The following AAK1 variants were observed in gnomAD, a reference collection of about 807,000 sequenced individuals.
The protein encoded by AAK1 is AP2-associated protein kinase 1.
In AAK1, 37 loss-of-function variants were observed where a neutral mutation model predicts 116.0. The observed-to-expected ratio is 0.32, with a 90% CI of 0.25 to 0.42. AAK1 has a LOEUF of 0.42. AAK1 is among the 10% of genes least tolerant of loss of function. AAK1 has a pLI of 1.00. For missense variants in AAK1, 919 were observed against 1,170.6 expected, an observed-to-expected ratio of 0.79 and a Z score of 3.14; for synonymous variants, 458 against 439.9, an observed-to-expected ratio of 1.04 and a Z score of -0.51.
Position 69,474,284 on chromosome 2 carries a change from TTAAC to T in AAK1, c.*1581_*1584del, listed in dbSNP as rs1307643617. 9 of 985,884 alleles carry T rather than the reference TTAAC, an allele frequency of 9.1e-6. No individual in the cohort carries two copies. Among genetic ancestry groups the T allele is most frequent in the South Asian group, 4.7e-5 (1 of 21,278 alleles). The allele number at this position is 985,884 out of a possible 1,614,324, so 61.1% of individuals were successfully genotyped here. On this transcript the variant is annotated 3_prime_UTR_variant, in exon 22 of 22. Transcript: ENST00000409085. ...TGGAATTTTATTTGTACAGATCTGA[TTAAC>T]TAAGAGTTTCCCTTTTGATGATGGA...
intron 17 of AAK1, among the ~76,000 whole-genome samples, chr2:69,484,718 T>C (rs1333619810): frequency 1.3e-5 from 2 of 151,760 alleles, no homozygotes; most frequent in Non-Finnish European, 2.9e-5. Flanking sequence ...CTACTAAAAA[T>C]ACAAAAATTA....
intron 2 of AAK1, among the ~76,000 whole-genome samples, chr2:69,575,464 A>T (rs948849926): frequency 1.1e-4 from 15 of 134,406 alleles, no homozygotes; most frequent in Middle Eastern, 3.9e-3. Context: ...AGATAAACAA[A>T]TTTTTTTTTT....
chr2:69,545,000 A>T (rs1670866724), intron 3 of AAK1, among the ~76,000 whole-genome samples: 1 of 152,020 alleles, frequency 6.6e-6, no homozygotes, highest in Non-Finnish European at 1.5e-5. Context: ...AATAGTTCGT[A>T]CTGTTTTTTT....
At chr2:69,505,508 TA>T in intron 16 of AAK1, 60 bp downstream of exon 16, 1 of 1,360,246 alleles carries the variant, frequency 7.4e-7, no homozygotes, top group Non-Finnish European at 1.0e-6. Flanking sequence ...ATCTGTGGAG[TA>T]AAAAACAGTG....
intron 4 of AAK1, among the ~76,000 whole-genome samples, chr2:69,543,479 C>T (rs1670806555): frequency 6.6e-6 from 1 of 152,152 alleles, no homozygotes; most frequent in African/African-American, 2.4e-5. Context: ...GTGATCTCAG[C>T]TCACTGCAAC....
intron 2 of AAK1, among the ~76,000 whole-genome samples, chr2:69,636,523 C>G (rs1476975559): frequency 6.6e-6 from 1 of 152,126 alleles, no homozygotes; most frequent in African/African-American, 2.4e-5. Flanking sequence ...GAGCACTATT[C>G]TATCCAAAAA....
At position 69,548,839 on chromosome 2, in the gene AAK1, G is replaced by A. The variant is rs113388861; in HGVS notation, c.283-4295C>T. On this transcript the variant is annotated intron_variant, in intron 3 of 21. Transcript: ENST00000409085. Reference sequence around the variant, plus strand: ...AGGATGGTCTCGATCTCTTGACCTCGTGATCCACCTGCCTTGGCCTCCCAA... The same window carrying A: ...AGGATGGTCTCGATCTCTTGACCTCATGATCCACCTGCCTTGGCCTCCCAA... Among the ~76,000 whole-genome samples, 6 of 151,946 alleles carry A rather than the reference G, an allele frequency of 3.9e-5. No individual in the cohort carries two copies. In the East Asian group the frequency reaches 9.7e-4, roughly 25 times the overall value.
chr2:69,468,910 A>G lies in AAK1; in HGVS notation c.*6959T>C, dbSNP rs1466939857. 4 of 985,336 alleles carry G rather than the reference A, an allele frequency of 4.1e-6. No homozygotes were observed. Among genetic ancestry groups the G allele is most frequent in the Non-Finnish European group, 4.8e-6 (4 of 829,944 alleles). The allele number at this position is 985,336 out of a possible 1,614,324, so 61.0% of individuals were successfully genotyped here. A position where few individuals can be genotyped will look rare whatever the true frequency, so the allele number is the denominator to read the frequency against. On this transcript the variant is annotated 3_prime_UTR_variant, in exon 22 of 22. Coordinates refer to ENST00000409085, the MANE Select transcript of AAK1 (RefSeq NM_014911.5). ...AACCTTCCAACTCAGAGCATATTCT[A>G]TGACCTTCATGATGAGTACTGGGAA...
At chr2:69,530,548 G>A (rs187405598) in intron 7 of AAK1, 77 bp downstream of exon 7, 24 of 1,216,004 alleles carry the variant, frequency 2.0e-5, no homozygotes, top group East Asian at 9.3e-5. Context: ...ATGCTATAGC[G>A]CTGTGTGCAT....
intron 15 of AAK1, 32 bp from the exon 16 acceptor site, chr2:69,505,705 T>C: frequency 1.3e-6 from 2 of 1,574,004 alleles, no homozygotes; most frequent in Non-Finnish European, 1.7e-6. Flanking sequence ...CAGTTCATTC[T>C]AGCAGAATCT....
intron 5 of AAK1, among the ~76,000 whole-genome samples, chr2:69,539,159 G>A (rs1414642108): frequency 1.3e-5 from 2 of 152,204 alleles, no homozygotes; most frequent in Non-Finnish European, 2.9e-5. Flanking sequence ...AGAAAGCCAA[G>A]GAGCCTGGAA....
intron 21 of AAK1, 46 bp downstream of exon 21, chr2:69,476,834 G>T: frequency 7.1e-7 from 1 of 1,413,544 alleles, no homozygotes; most frequent in Non-Finnish European, 9.9e-7. Context: ...CTATTTTGAA[G>T]AGAACTGAGG....
At chr2:69,616,494 AGAGTACT>A (rs1168442479) in intron 2 of AAK1, among the ~76,000 whole-genome samples, 1 of 152,256 alleles carries the variant, frequency 6.6e-6, no homozygotes, top group Non-Finnish European at 1.5e-5. Context: ...AGTAACCACC[AGAGTACT>A]GATGTTGGGG....
At position 69,482,708 on chromosome 2, in the gene AAK1, T is replaced by C; in HGVS notation, c.2467+3A>G. 2 of 1,598,708 alleles carry C rather than the reference T, an allele frequency of 1.3e-6. No homozygotes were observed. The highest frequency in any genetic ancestry group is 1.7e-6 in the Non-Finnish European group (2 of 1,166,026). ...ACTGAAGAAACAGAGATGATGACTT[T>C]ACCAATTACAGCATCAGAAGTGCTA... On this transcript the variant is annotated splice_donor_region_variant and intron_variant, in intron 18 of 21. Transcript: ENST00000409085.
intron 17 of AAK1, among the ~76,000 whole-genome samples, chr2:69,487,151 G>A (rs146608526): frequency 5.5e-4 from 83 of 152,262 alleles, no homozygotes; most frequent in African/African-American, 1.9e-3. Context: ...TCTTAGAAGA[G>A]GTCACATCTA....
At chr2:69,511,887 C>T (rs1363422053) in intron 13 of AAK1, among the ~76,000 whole-genome samples, 1 of 152,234 alleles carries the variant, frequency 6.6e-6, no homozygotes, top group Non-Finnish European at 1.5e-5. Context: ...TCTACAGACA[C>T]TAAGTGGTTT....
chr2:69,623,155 C>G (rs767202966), intron 2 of AAK1, among the ~76,000 whole-genome samples: 10 of 152,166 alleles, frequency 6.6e-5, no homozygotes, highest in Non-Finnish European at 1.0e-4. Context: ...CAGCTTCACT[C>G]CTGAGCTAGC....
chr2:69,487,787 C>CTTTT (rs1177565486), intron 17 of AAK1, among the ~76,000 whole-genome samples: 3 of 122,778 alleles, frequency 2.4e-5, no homozygotes, highest in Non-Finnish European at 5.4e-5. Flanking sequence ...TGTTTGTTTG[C>CTTTT]TTTTTTTTTT....
chr2:69,514,606 C>A lies in AAK1; in HGVS notation c.1641G>T (p.Leu547=). 1 of 1,593,146 alleles carries A rather than the reference C, an allele frequency of 6.3e-7. No individual in the cohort carries two copies. The highest frequency in any genetic ancestry group is 8.5e-7 in the Non-Finnish European group (1 of 1,170,366). The change falls in exon 13 of 22, where the codon CTG becomes CTT. Residue 547 remains leucine, a synonymous_variant. Transcript: ENST00000409085. ...QQQQQQQQQQ[L]ATALHQQQLM... ...GCTGTTGTTGATGCAGGGCTGTGGCCAGCTGTTGCTGTTGCTGTTGTTGTT... is the reference window on the plus strand; with the variant it reads ...GCTGTTGTTGATGCAGGGCTGTGGCAAGCTGTTGCTGTTGCTGTTGTTGTT...
Sources: allele counts gnomAD v4.1 joint callset (sites outside exome capture counted in the v4.1 genomes callset), GRCh38; gene constraint gnomAD v4.1.1; transcripts MANE v1.5; gene names NCBI Gene and HGNC (gene_info 2026-07-23, HGNC 2026-07-21).